The following SENP5 variants were observed in gnomAD, a reference collection of about 807,000 sequenced individuals.
SENP5 encodes the protein SUMO specific peptidase 5.
In SENP5, 21 loss-of-function variants were observed where a neutral mutation model predicts 74.2. The observed-to-expected ratio is 0.28, with a 90% CI of 0.20 to 0.41. The LOEUF (loss-of-function observed/expected upper bound fraction) is 0.41, where lower values mean the gene tolerates loss of function less well. SENP5 is among the 10% of genes least tolerant of loss of function. The pLI is 1.00. For missense variants in SENP5, 717 were observed against 889.1 expected, an observed-to-expected ratio of 0.81 and a Z score of 2.46; for synonymous variants, 311 against 312.7, an observed-to-expected ratio of 0.99 and a Z score of 0.06.
chr3:196,883,223 G>A (rs550870638), intron 1 of SENP5, among the ~76,000 whole-genome samples: 1 of 152,116 alleles, frequency 6.6e-6, no homozygotes, highest in Non-Finnish European at 1.5e-5. Flanking sequence ...GTAGGGATCT[G>A]GAGTCTAACT....
chr3:196,929,974 A>G (rs1715966791), intron 9 of SENP5, among the ~76,000 whole-genome samples: 1 of 139,144 alleles, frequency 7.2e-6, no homozygotes, highest in Non-Finnish European at 1.5e-5. Context: ...TATCATAACC[A>G]TTGGCATTTG....
intron 6 of SENP5, chr3:196,913,171 A>T (rs1206620332): frequency 1.3e-5 from 2 of 152,232 alleles, no homozygotes; most frequent in Admixed American, 6.5e-5. Flanking sequence ...ATAAAGACAT[A>T]TACAAAAATT....
intron 8 of SENP5, 58 bp from the exon 9 acceptor site, chr3:196,929,575 C>A: frequency 1.8e-6 from 2 of 1,103,054 alleles, no homozygotes; most frequent in Non-Finnish European, 2.7e-6. Flanking sequence ...AGGAGTTTTT[C>A]TTATCTGAAG....
chr3:196,916,340 C>A (rs924217160), intron 6 of SENP5, among the ~76,000 whole-genome samples: 6 of 150,964 alleles, frequency 4.0e-5, no homozygotes, highest in African/African-American at 7.3e-5. Flanking sequence ...AACAAACAAA[C>A]AAAAAAAACA....
At chr3:196,878,324 C>T (rs572115178) in intron 1 of SENP5, among the ~76,000 whole-genome samples, 2 of 152,212 alleles carry the variant, frequency 1.3e-5, no homozygotes, top group South Asian at 4.1e-4. Context: ...TTTCTTCTCC[C>T]CGTAGACATA....
At chr3:196,914,580 A>ATATATATATATAT (rs1346805512) in intron 6 of SENP5, 22 of 70,132 alleles carry the variant, frequency 3.1e-4, no homozygotes, top group Non-Finnish European at 4.6e-4. Context: ...AAAAAAAAAA[A>ATATATATATATAT]AAAAAAATAT....
intron 2 of SENP5, among the ~76,000 whole-genome samples, chr3:196,887,425 C>A (rs1714020811): frequency 6.6e-6 from 1 of 152,028 alleles, no homozygotes; most frequent in South Asian, 2.1e-4. Flanking sequence ...CGTGATCCAC[C>A]CACCTTGGCC....
In SENP5 at chr3:196,884,186, G is replaced by A. The variant is rs533806172; in HGVS notation, c.-31-965G>A. Among the ~76,000 whole-genome samples the A allele has an allele frequency of 3.7e-4, 57 of 152,314 alleles. 2 individuals are homozygous for A. The highest frequency in any genetic ancestry group is 1.3e-3 in the African/African-American group (54 of 41,566). ...GTAGATATTTAGTAAATACATGTGA[G>A]GTCAGCATCTCAAGAGGGAAGCCAC... On this transcript the variant is annotated intron_variant, in intron 1 of 9. Transcript: ENST00000323460.
At chr3:196,881,896 G>GT (rs11385462) in intron 1 of SENP5, among the ~76,000 whole-genome samples, 24,666 of 109,116 alleles carry the variant, frequency 0.23, 3,765 homozygotes, top group African/African-American at 0.3. Flanking sequence ...GATAGTATTA[G>GT]TTTTTTTTTT....
chr3:196,911,306 T>C (rs1715114713), intron 6 of SENP5, among the ~76,000 whole-genome samples: 1 of 152,194 alleles, frequency 6.6e-6, no homozygotes, highest in Admixed American at 6.5e-5. Flanking sequence ...TTTTGCAGTC[T>C]ACCCACCTGA....
chr3:196,907,291 G>A (rs1170565914), intron 6 of SENP5, among the ~76,000 whole-genome samples: 1 of 151,930 alleles, frequency 6.6e-6, no homozygotes, highest in African/African-American at 2.4e-5. Context: ...GGCTAACACG[G>A]TGAAACCCCA....
intron 2 of SENP5, among the ~76,000 whole-genome samples, chr3:196,888,380 C>T (rs1408625442): frequency 6.6e-6 from 1 of 151,930 alleles, no homozygotes; most frequent in African/African-American, 2.4e-5. Flanking sequence ...GTCAGGAGTT[C>T]AAGACGAGGC....
chr3:196,882,059 G>C (rs1713750421), intron 1 of SENP5, among the ~76,000 whole-genome samples: 1 of 151,628 alleles, frequency 6.6e-6, no homozygotes, highest in South Asian at 2.1e-4. Context: ...ACCACACCTG[G>C]CTAATTTTTT....
intron 2 of SENP5, among the ~76,000 whole-genome samples, chr3:196,891,796 C>T (rs1714211840): frequency 6.6e-6 from 1 of 152,098 alleles, no homozygotes; most frequent in Admixed American, 6.5e-5. Flanking sequence ...GACCTTGTCT[C>T]TCTCTTTTTT....
chr3:196,884,090 G>A (rs1224400406), intron 1 of SENP5, among the ~76,000 whole-genome samples: 3 of 152,208 alleles, frequency 2.0e-5, no homozygotes, highest in African/African-American at 7.2e-5. Flanking sequence ...TTTGCTCATA[G>A]CAAAATAATT....
At chr3:196,917,708 C>T (rs540449381) in intron 6 of SENP5, among the ~76,000 whole-genome samples, 6 of 152,134 alleles carry the variant, frequency 3.9e-5, no homozygotes, top group East Asian at 1.9e-4. Flanking sequence ...TCATACCCAG[C>T]GAAAATATAC....
intron 6 of SENP5, among the ~76,000 whole-genome samples, chr3:196,918,779 A>G (rs980546544): frequency 2.0e-5 from 3 of 152,180 alleles, no homozygotes; most frequent in African/African-American, 7.2e-5. Flanking sequence ...CACTTCACCT[A>G]TAAAGATATA....
At chr3:196,887,403 C>T (rs1355515635) in intron 2 of SENP5, among the ~76,000 whole-genome samples, 1 of 152,000 alleles carries the variant, frequency 6.6e-6, no homozygotes, top group Non-Finnish European at 1.5e-5. Flanking sequence ...TGGTCTCGAC[C>T]TCCTGACCTC....
In SENP5 at chr3:196,931,009, C is replaced by T. The variant is rs1560164228; in HGVS notation, c.*86C>T. On this transcript the variant is annotated 3_prime_UTR_variant, in exon 10 of 10. Transcript: ENST00000323460. Reference sequence around the variant, plus strand: ...CTCCAAACACTTAGTTGAATTTTTACAGATATTTCAGATCAGTGGTGTTGG... The same window carrying T: ...CTCCAAACACTTAGTTGAATTTTTATAGATATTTCAGATCAGTGGTGTTGG... The T allele has an allele frequency of 2.4e-6, 2 of 834,180 alleles. No individual in the cohort carries two copies. Among genetic ancestry groups the T allele is most frequent in the Admixed American group, 2.0e-5 (1 of 49,298 alleles). The allele number at this position is 834,180 out of a possible 1,614,324, so 51.7% of individuals were successfully genotyped here.
Sources: allele counts gnomAD v4.1 joint callset (sites outside exome capture counted in the v4.1 genomes callset), GRCh38; gene constraint gnomAD v4.1.1; transcripts MANE v1.5; gene names NCBI Gene and HGNC (gene_info 2026-07-23, HGNC 2026-07-21).